Variants in ATF7 observed in about 807,000 individuals in gnomAD.
ATF7 encodes the protein activating transcription factor 7.
A neutral mutation model predicts 50.4 loss-of-function variants in ATF7; 10 were observed. The ratio of observed to expected loss-of-function variants is 0.20; its 90% CI spans 0.12 to 0.34. ATF7 has a LOEUF of 0.34. ATF7 is among the 10% of genes least tolerant of loss of function. The pLI, the probability that ATF7 is intolerant of heterozygous loss-of-function variation, is 1.00. For synonymous variants in ATF7, 201 were observed against 226.4 expected, an observed-to-expected ratio of 0.89 and a Z score of 1.01; for missense variants, 465 against 613.9, an observed-to-expected ratio of 0.76 and a Z score of 2.56.
Position 53,524,827 on chromosome 12 carries a change from T to C in ATF7, c.928-66A>G. 7.3e-7 allele frequency: 1 copy of C among 1,370,556 alleles called. No individual in the cohort carries two copies. Among genetic ancestry groups the C allele is most frequent in the Non-Finnish European group, 9.8e-7 (1 of 1,023,746 alleles). 84.9% of individuals were successfully genotyped at this position (1,370,556 alleles called of 1,614,324 possible). On this transcript the variant is annotated intron_variant, in intron 9 of 11. Coordinates refer to ENST00000420353, the MANE Select transcript of ATF7 (RefSeq NM_006856.3). The surrounding 1 kb of genome is among the most constrained non-coding windows in gnomAD (Gnocchi z 4.6). ...TTAATCCTTTCCAAATCACACCTGA[T>C]GTTAGGTAGAGTAGTAAGATCTGGT...
chr12:53,558,863 A>G (rs1004018506), intron 2 of ATF7, among the ~76,000 whole-genome samples: 2 of 152,246 alleles, frequency 1.3e-5, no homozygotes, highest in Non-Finnish European at 2.9e-5. Context: ...TTAACTTTCC[A>G]TGAGACATCT....
At chr12:53,533,138 C>T (rs1592804032) in intron 7 of ATF7, 22 bp downstream of exon 7, 2 of 1,580,274 alleles carry the variant, frequency 1.3e-6, no homozygotes, top group Non-Finnish European at 1.7e-6. Context: ...GTAGGGTTGG[C>T]TGCCCCAACT....
intron 2 of ATF7, among the ~76,000 whole-genome samples, chr12:53,583,513 A>C (rs1942532586): frequency 1.3e-5 from 2 of 151,980 alleles, no homozygotes; most frequent in Non-Finnish European, 2.9e-5. Flanking sequence ...ACTATAAATA[A>C]AGTACACAAT....
intron 2 of ATF7, among the ~76,000 whole-genome samples, chr12:53,581,807 A>T (rs926906530): frequency 6.6e-6 from 1 of 151,654 alleles, no homozygotes; most frequent in African/African-American, 2.4e-5. Context: ...AATCCAAAGC[A>T]AGCAGAAGAA....
chr12:53,600,978 A>T lies in ATF7; in HGVS notation c.23T>A (p.Val8Glu). The change falls in exon 2 of 12, where the codon GTG becomes GAG. Residue 8 changes from valine (V) to glutamate (E), a missense_variant. Physicochemically the swap from Val to Glu is moderately radical, Grantham distance 121. Coordinates refer to ENST00000420353, the MANE Select transcript of ATF7 (RefSeq NM_006856.3). ...CTGTCCACAGCCCGGGGCATTGCAC[A>T]CAAACGGTCTGTCGTCTCCCATATT... MGDDRPF[V>E]CNAPGCGQRF... The T allele has an allele frequency of 6.2e-7, 1 of 1,613,638 alleles. No homozygotes were observed. Among genetic ancestry groups the T allele is most frequent in the Non-Finnish European group, 8.5e-7 (1 of 1,179,714 alleles).
At chr12:53,544,979 A>G (rs11829068) in intron 3 of ATF7, among the ~76,000 whole-genome samples, 72,952 of 151,960 alleles carry the variant, frequency 0.48, 17,666 homozygotes, top group East Asian at 0.74. Context: ...CCATCCCTGG[A>G]TGAGTAGAAG....
intron 11 of ATF7, among the ~76,000 whole-genome samples, chr12:53,520,419 C>CA (rs1324126536): frequency 1.3e-5 from 2 of 151,142 alleles, no homozygotes; most frequent in Admixed American, 6.6e-5. Flanking sequence ...TCTAAAATAA[C>CA]AAAAAAAAAT....
At chr12:53,609,100 T>A (rs1325883815) in intron 1 of ATF7, among the ~76,000 whole-genome samples, 1 of 151,866 alleles carries the variant, frequency 6.6e-6, no homozygotes, top group Non-Finnish European at 1.5e-5. Flanking sequence ...AGGTCCGGAG[T>A]TCAAGACCAG....
In ATF7 at chr12:53,581,022, G is replaced by C. The variant is rs181714616; in HGVS notation, c.48+19931C>G. 2.4e-3 allele frequency among the ~76,000 whole-genome samples: 368 copies of C among 151,880 alleles called. 1 individual carries two copies. Among genetic ancestry groups the C allele is most frequent in the African/African-American group, 7.3e-3 (304 of 41,422 alleles). The stretch of plus-strand genomic sequence containing the variant: ...AGCTACTCAGGAGGCTGAGGCAGGA[G>C]AACCATTTGAACCTGGGAGGTAGAG... On this transcript the variant is annotated intron_variant, in intron 2 of 11. Coordinates refer to ENST00000420353, the MANE Select transcript of ATF7 (RefSeq NM_006856.3).
intron 11 of ATF7, among the ~76,000 whole-genome samples, chr12:53,522,204 C>T (rs922193671): frequency 1.3e-5 from 2 of 152,194 alleles, no homozygotes; most frequent in Non-Finnish European, 2.9e-5. Flanking sequence ...TACCCTATAT[C>T]CCAATGTATC....
At chr12:53,589,110 G>A (rs1018104133) in intron 2 of ATF7, among the ~76,000 whole-genome samples, 10 of 152,090 alleles carry the variant, frequency 6.6e-5, no homozygotes, top group African/African-American at 2.4e-4. Context: ...GGCTAGATGT[G>A]GATACTGATG....
intron 9 of ATF7, among the ~76,000 whole-genome samples, chr12:53,529,654 T>TAC (rs1460889893): frequency 9.6e-5 from 14 of 146,524 alleles, no homozygotes; most frequent in African/African-American, 2.8e-4. Context: ...TATATATATA[T>TAC]ACACACACAC....
intron 11 of ATF7, among the ~76,000 whole-genome samples, chr12:53,520,871 A>C (rs1010667127): frequency 2.0e-5 from 3 of 152,148 alleles, no homozygotes; most frequent in Non-Finnish European, 4.4e-5. Flanking sequence ...TCCTGGATTC[A>C]GCCTGCTCTC....
chr12:53,601,040 G>A lies in ATF7; in HGVS notation c.-21-19C>T, dbSNP rs1381919898. ...AGAGGAGCTGAGGAGGGGGAGGTGA[G>A]GGAAAAAGTTATGTTAAATATGCTG... On this transcript the variant is annotated intron_variant, in intron 1 of 11. Coordinates refer to ENST00000420353, the MANE Select transcript of ATF7 (RefSeq NM_006856.3). 6.3e-7 allele frequency: 1 copy of A among 1,574,928 alleles called. No individual in the cohort carries two copies. The highest frequency in any genetic ancestry group is 8.6e-7 in the Non-Finnish European group (1 of 1,157,120).
At chr12:53,555,872 A>G (rs1055713762) in intron 2 of ATF7, among the ~76,000 whole-genome samples, 1 of 151,750 alleles carries the variant, frequency 6.6e-6, no homozygotes. Flanking sequence ...CTGGAGTCCA[A>G]TGGCGCAATC....
intron 2 of ATF7, among the ~76,000 whole-genome samples, chr12:53,580,808 T>G (rs1169831584): frequency 6.6e-6 from 1 of 151,244 alleles, no homozygotes; most frequent in Non-Finnish European, 1.5e-5. Flanking sequence ...TACTCCAAGA[T>G]GACATACAAA....
intron 2 of ATF7, among the ~76,000 whole-genome samples, chr12:53,599,298 T>G (rs972544019): frequency 6.6e-6 from 1 of 151,970 alleles, no homozygotes; most frequent in Non-Finnish European, 1.5e-5. Context: ...CCTTGGACTC[T>G]GAAAGTGCTG....
intron 3 of ATF7, among the ~76,000 whole-genome samples, chr12:53,547,745 TTTTA>T (rs1383696684): frequency 7.8e-6 from 1 of 128,282 alleles, no homozygotes; most frequent in African/African-American, 3.0e-5. Context: ...GCTCGGCTAA[TTTTA>T]TGTATGTATG....
chr12:53,524,554 A>C lies in ATF7; in HGVS notation c.1125+10T>G. On this transcript the variant is annotated intron_variant, in intron 10 of 11. Coordinates refer to ENST00000420353, the MANE Select transcript of ATF7 (RefSeq NM_006856.3). This position sits in a 1 kb window ranked among gnomAD's most constrained non-coding sequence, Gnocchi z 4.6. ...TCAACAATTCCAATAAGCATCCAGG[A>C]CCCACTCACACTCAGCTGAATGTTC... 1 of 1,613,566 alleles carries C rather than the reference A, an allele frequency of 6.2e-7. No individual in the cohort carries two copies. The highest frequency in any genetic ancestry group is 8.5e-7 in the Non-Finnish European group (1 of 1,179,886).
Sources: allele counts gnomAD v4.1 joint callset (sites outside exome capture counted in the v4.1 genomes callset), GRCh38; gene constraint gnomAD v4.1.1; non-coding constraint Gnocchi (gnomAD v3.1); transcripts MANE v1.5; gene names NCBI Gene and HGNC (gene_info 2026-07-23, HGNC 2026-07-21).